The following AFG2B variants were observed in gnomAD, a reference collection of about 807,000 sequenced individuals.
The protein encoded by AFG2B is ATPase family gene 2 protein homolog B.
chr15:45,419,687 C>A, the AFG2B span, among the ~76,000 whole-genome samples: 2 of 151,972 alleles, frequency 1.3e-5, no homozygotes, highest in African/African-American at 4.8e-5. Flanking sequence ...TTCCTTTGGG[C>A]CCTTTCCCAA....
chr15:45,418,592 CAT>C, the AFG2B span: 1 of 1,612,880 alleles, frequency 6.2e-7, no homozygotes, highest in Non-Finnish European at 8.5e-7. Context: ...GTACAAAAAC[CAT>C]GCCAATAGGG....
At chr15:45,415,775 A>G in the AFG2B span, 1 of 1,613,466 alleles carries the variant, frequency 6.2e-7, no homozygotes, top group East Asian at 2.2e-5. Context: ...AATCAAGTCA[A>G]CAGGGTAAAT....
At chr15:45,402,859 A>T in the AFG2B span, 1 of 1,598,474 alleles carries the variant, frequency 6.3e-7, no homozygotes, top group Non-Finnish European at 8.5e-7. Flanking sequence ...AAACCGACCG[A>T]TCTCCCTGGG....
the AFG2B span, among the ~76,000 whole-genome samples, chr15:45,409,048 C>T: frequency 1.3e-5 from 2 of 152,070 alleles, no homozygotes; most frequent in African/African-American, 4.8e-5. Flanking sequence ...TGAATGAGTA[C>T]TGGTTCTTCC....
At chr15:45,408,358 C>G in the AFG2B span, among the ~76,000 whole-genome samples, 2 of 152,172 alleles carry the variant, frequency 1.3e-5, no homozygotes, top group African/African-American at 4.8e-5. Flanking sequence ...TCCCTCTCCT[C>G]TTCTCTTTCT....
chr15:45,420,008 A>C, the AFG2B span, among the ~76,000 whole-genome samples: 54 of 149,774 alleles, frequency 3.6e-4, 3 homozygotes, highest in Middle Eastern at 3.5e-3. Context: ...AAAAAAAAAA[A>C]AAAAAACAAA....
chr15:45,411,823 A>G, the AFG2B span, among the ~76,000 whole-genome samples: 2 of 152,230 alleles, frequency 1.3e-5, no homozygotes, highest in African/African-American at 2.4e-5. Flanking sequence ...TTGACTGGGC[A>G]TGGTGGCTTA....
chr15:45,403,369 A>G, the AFG2B span: 282 of 1,610,648 alleles, frequency 1.8e-4, 3 homozygotes, highest in South Asian at 2.9e-3. Flanking sequence ...CCAGCGGGGC[A>G]GTCGAGCACC....
At chr15:45,409,819 A>G in the AFG2B span, among the ~76,000 whole-genome samples, 1 of 152,154 alleles carries the variant, frequency 6.6e-6, no homozygotes, top group African/African-American at 2.4e-5. Flanking sequence ...GTGAGCTATG[A>G]TAACATCACT....
the AFG2B span, chr15:45,416,971 A>T: frequency 1.4e-5 from 3 of 219,172 alleles, no homozygotes; most frequent in Non-Finnish European, 9.2e-6. Context: ...GCTCAGGTGC[A>T]CTCAAGTCAC....
the AFG2B span, chr15:45,414,714 C>T: frequency 1.2e-5 from 19 of 1,614,014 alleles, no homozygotes; most frequent in East Asian, 2.2e-5. Flanking sequence ...ACTGCTCTTT[C>T]GTTTCAGTGA....
chr15:45,412,398 CA>C, the AFG2B span, among the ~76,000 whole-genome samples: 17,953 of 134,522 alleles, frequency 0.13, 3,500 homozygotes, highest in African/African-American at 0.43. Flanking sequence ...GACTCCGTCT[CA>C]AAAAAAAAAA....
the AFG2B span, chr15:45,417,481 T>TA: frequency 1.2e-5 from 17 of 1,454,374 alleles, no homozygotes; most frequent in Middle Eastern, 1.8e-4. Context: ...GTGTTCTACT[T>TA]ACCCTGGGTT....
At chr15:45,415,706 T>C in the AFG2B span, 1 of 1,614,152 alleles carries the variant, frequency 6.2e-7, no homozygotes, top group Non-Finnish European at 8.5e-7. Context: ...GAGTTCTTTC[T>C]GTTCTCCTGA....
the AFG2B span, among the ~76,000 whole-genome samples, chr15:45,415,368 G>A: frequency 1.2e-3 from 182 of 151,948 alleles, no homozygotes; most frequent in African/African-American, 4.2e-3. Context: ...ACGTGGTAGC[G>A]CACCCTATAA....
the AFG2B span, chr15:45,405,302 G>A: frequency 1.3e-6 from 2 of 1,586,404 alleles, no homozygotes; most frequent in Non-Finnish European, 1.7e-6. Context: ...TCTTTTTTTT[G>A]TTTTGCTTTG....
the AFG2B span, chr15:45,418,527 T>C: frequency 3.8e-6 from 6 of 1,564,910 alleles, no homozygotes; most frequent in Non-Finnish European, 5.2e-6. Flanking sequence ...TGTTATAAGA[T>C]TTAAAATACT....
the AFG2B span, among the ~76,000 whole-genome samples, chr15:45,410,178 T>A: frequency 1.3e-5 from 2 of 152,232 alleles, no homozygotes; most frequent in African/African-American, 4.8e-5. Flanking sequence ...TCTTGACATC[T>A]TTCGGGGAAG....
the AFG2B span, among the ~76,000 whole-genome samples, chr15:45,420,001 A>ACCCCCCCC: frequency 1.4e-4 from 12 of 84,632 alleles, no homozygotes; most frequent in Admixed American, 3.7e-4. Flanking sequence ...CCCCCCCAAA[A>ACCCCCCCC]AAAAAAAAAA....
Sources: allele counts gnomAD v4.1 joint callset (sites outside exome capture counted in the v4.1 genomes callset), GRCh38; gene constraint gnomAD v4.1.1; transcripts MANE v1.5; gene names NCBI Gene and HGNC (gene_info 2026-07-23, HGNC 2026-07-21).